Variants in SCN2A observed in about 807,000 individuals in gnomAD.
SCN2A encodes the protein sodium channel protein type 2 subunit alpha.
A neutral mutation model predicts 188.7 loss-of-function variants in SCN2A; 20 were observed. The observed-to-expected ratio is 0.11, with a 90% CI of 0.07 to 0.15. The LOEUF is 0.15. Ranked by LOEUF, SCN2A falls within the 10% of genes least tolerant of loss-of-function variation. The pLI is 1.00. For missense variants in SCN2A, 1,278 were observed against 2,445.0 expected, an observed-to-expected ratio of 0.52 and a Z score of 10.07; for synonymous variants, 804 against 833.1, an observed-to-expected ratio of 0.97 and a Z score of 0.60.
In SCN2A at chr2:165,319,552, G is replaced by A. The variant is rs189289390; in HGVS notation, c.1672-3604G>A. Among the ~76,000 whole-genome samples the A allele has an allele frequency of 3.9e-5, 6 of 152,280 alleles. No individual in the cohort carries two copies. The East Asian group carries it at 1.2e-3, about 29-fold the overall frequency. On this transcript the variant is annotated intron_variant, in intron 11 of 26. Coordinates refer to ENST00000375437, the MANE Select transcript of SCN2A (RefSeq NM_001040142.2). ...TGCTGATAAAGTTATACCCAAGACTGGGCAATTTGGCAAAGGAAGAGGTTT... is the reference window on the plus strand; with the variant it reads ...TGCTGATAAAGTTATACCCAAGACTAGGCAATTTGGCAAAGGAAGAGGTTT...
chr2:165,306,542 G>A (rs961476927), intron 3 of SCN2A, among the ~76,000 whole-genome samples: 52 of 121,486 alleles, frequency 4.3e-4, no homozygotes, highest in African/African-American at 1.5e-3. Flanking sequence ...GTGTGTGTGT[G>A]TGTGTGTGTG....
At chr2:165,239,692 T>A in intron 1 of SCN2A, 52 bp downstream of exon 1, 1 of 832,140 alleles carries the variant, frequency 1.2e-6, no homozygotes, top group Non-Finnish European at 1.4e-6. Context: ...TTATCTATGT[T>A]AAGAATGACA....
At chr2:165,250,171 C>T (rs1307273077) in intron 1 of SCN2A, among the ~76,000 whole-genome samples, 1 of 151,934 alleles carries the variant, frequency 6.6e-6, no homozygotes, top group African/African-American at 2.4e-5. Context: ...TTCTATCAAG[C>T]TACCCAGTAT....
At chr2:165,310,287 G>A in intron 6 of SCN2A, 36 bp from the exon 7 acceptor site, 1 of 1,610,910 alleles carries the variant, frequency 6.2e-7, no homozygotes, top group Non-Finnish European at 8.5e-7. Context: ...CTGTTGAGTA[G>A]TATATTTAAA....
At chr2:165,267,647 A>G (rs1351669053) in intron 1 of SCN2A, 1 of 151,994 alleles carries the variant, frequency 6.6e-6, no homozygotes, top group Non-Finnish European at 1.5e-5. Context: ...CAACAGAATG[A>G]AAAGACAACC....
chr2:165,277,984 T>C (rs778439488), intron 1 of SCN2A, among the ~76,000 whole-genome samples: 3 of 152,004 alleles, frequency 2.0e-5, no homozygotes, highest in Non-Finnish European at 4.4e-5. Context: ...ATAGAAAAAA[T>C]GGTGTGTGAA....
At chr2:165,376,262 A>AAT (rs1299298645) in intron 22 of SCN2A, among the ~76,000 whole-genome samples, 4 of 151,496 alleles carry the variant, frequency 2.6e-5, no homozygotes, top group Non-Finnish European at 4.4e-5. Context: ...GCCATTTCAC[A>AAT]ATATATATAT....
At chr2:165,328,360 C>T (rs1698477521) in intron 13 of SCN2A, 1 of 319,996 alleles carries the variant, frequency 3.1e-6, no homozygotes, top group Non-Finnish European at 4.5e-6. Context: ...TGCACTCCCT[C>T]TTCCCCCCAG....
chr2:165,298,082 A>C (rs923008216), intron 3 of SCN2A, among the ~76,000 whole-genome samples: 1 of 152,180 alleles, frequency 6.6e-6, no homozygotes, highest in African/African-American at 2.4e-5. Context: ...TCATGGGAGG[A>C]GGAGTGATAT....
At chr2:165,272,955 G>T (rs922813590) in intron 1 of SCN2A, 1 of 152,040 alleles carries the variant, frequency 6.6e-6, no homozygotes, top group Non-Finnish European at 1.5e-5. Context: ...AAATGAGAAA[G>T]AGGGTGGGCA....
intron 14 of SCN2A, 87 bp downstream of exon 14, chr2:165,331,655 C>A: frequency 1.9e-6 from 2 of 1,038,432 alleles, no homozygotes; most frequent in South Asian, 1.3e-5. Flanking sequence ...AATTAAATAT[C>A]AACTAATTGG....
intron 19 of SCN2A, among the ~76,000 whole-genome samples, chr2:165,368,725 T>C (rs1442747593): frequency 6.6e-6 from 1 of 152,202 alleles, no homozygotes; most frequent in East Asian, 1.9e-4. Flanking sequence ...TTTTCTTAAT[T>C]GGTGATACAA....
At chr2:165,290,868 TGTTACTTTCCAAAA>T (rs1371836726) in intron 1 of SCN2A, 1 of 796,706 alleles carries the variant, frequency 1.3e-6, no homozygotes, top group Non-Finnish European at 1.5e-6. Context: ...ATATTGATAA[TGTTACTTTCCAAAA>T]GTGGAGGCAC....
chr2:165,307,295 G>A (rs542184477), intron 3 of SCN2A, among the ~76,000 whole-genome samples: 1 of 152,168 alleles, frequency 6.6e-6, no homozygotes, highest in East Asian at 1.9e-4. Context: ...AAGTAATTTT[G>A]CCTTAGTTAC....
chr2:165,296,027 C>T lies in SCN2A; in HGVS notation c.204C>T (p.Asp68=). ...AGKSLPFIYG[D]IPPEMVSVPL... ...AATCTCTTCCATTTATTTATGGAGA[C>T]ATTCCTCCAGAGATGGTGTCAGTGC... is the stretch of plus-strand genomic sequence containing the variant. Residue 68 remains aspartate (D), a synonymous_variant, in exon 2 of 27, where the codon GAC becomes GAT. Transcript: ENST00000375437. 1 of 1,614,132 alleles carries T rather than the reference C, an allele frequency of 6.2e-7. No individual in the cohort carries two copies. Among genetic ancestry groups the T allele is most frequent in the East Asian group, 2.2e-5 (1 of 44,886 alleles).
intron 14 of SCN2A, 39 bp from the exon 15 acceptor site, chr2:165,342,257 G>T: frequency 1.3e-6 from 2 of 1,545,048 alleles, no homozygotes; most frequent in South Asian, 1.1e-5. Flanking sequence ...CGTGTTTCAA[G>T]AGTATTTGCT....
At chr2:165,319,059 C>T (rs372751102) in intron 11 of SCN2A, among the ~76,000 whole-genome samples, 2 of 152,044 alleles carry the variant, frequency 1.3e-5, no homozygotes, top group Non-Finnish European at 2.9e-5. Flanking sequence ...AGTTCTAGGC[C>T]GGGTGTGGTG....
intron 11 of SCN2A, among the ~76,000 whole-genome samples, chr2:165,318,880 C>T (rs775795323): frequency 2.4e-4 from 36 of 151,354 alleles, no homozygotes; most frequent in Non-Finnish European, 5.9e-5. Context: ...AAAGGAGACA[C>T]GAAAAAGGAT....
At chr2:165,331,162 C>G (rs1698651991) in intron 13 of SCN2A, among the ~76,000 whole-genome samples, 168 bp from the exon 14 acceptor site, 1 of 152,144 alleles carries the variant, frequency 6.6e-6, no homozygotes, top group African/African-American at 2.4e-5. Flanking sequence ...TGTACTGATC[C>G]TTTCTATGAC....
Sources: allele counts gnomAD v4.1 joint callset (sites outside exome capture counted in the v4.1 genomes callset), GRCh38; gene constraint gnomAD v4.1.1; transcripts MANE v1.5; gene names NCBI Gene and HGNC (gene_info 2026-07-23, HGNC 2026-07-21).